The following PHF20L1 variants were observed in gnomAD, a reference collection of about 807,000 sequenced individuals.
PHF20L1 encodes PHD finger protein 20 like 1.
In PHF20L1, 44 loss-of-function variants were observed where a neutral mutation model predicts 125.5. The observed-to-expected ratio is 0.35, with a 90% CI of 0.28 to 0.45. PHF20L1 has a LOEUF of 0.45. PHF20L1 is among the 20% of genes least tolerant of loss of function. The probability of loss-of-function intolerance (pLI) is 1.00; values close to 1 mark genes in which losing one functional copy is unlikely to be tolerated. For missense variants in PHF20L1, 1,012 were observed against 1,217.2 expected (o/e 0.83, Z 2.51); for synonymous variants, 380 against 403.1 (o/e 0.94, Z 0.69).
intron 2 of PHF20L1, among the ~76,000 whole-genome samples, chr8:132,782,756 T>C (rs1246500901): frequency 6.6e-6 from 1 of 151,520 alleles, no homozygotes; most frequent in Non-Finnish European, 1.5e-5. Flanking sequence ...AACCTGCTGA[T>C]TTTCTTTTTC....
intron 1 of PHF20L1, 62 bp from the exon 2 acceptor site, chr8:132,777,730 C>T: frequency 2.4e-5 from 18 of 746,224 alleles, no homozygotes; most frequent in Non-Finnish European, 3.1e-5. Context: ...TGACCTGTTC[C>T]CTTATACTCT....
chr8:132,831,981 C>G (rs1189416627), intron 14 of PHF20L1, among the ~76,000 whole-genome samples: 1 of 152,044 alleles, frequency 6.6e-6, no homozygotes, highest in African/African-American at 2.4e-5. Context: ...CTCTATAGTA[C>G]TTCACAAAAG....
intron 1 of PHF20L1, among the ~76,000 whole-genome samples, chr8:132,776,414 T>C (rs1201511711): frequency 6.6e-6 from 1 of 152,232 alleles, no homozygotes; most frequent in African/African-American, 2.4e-5. Flanking sequence ...TTTAAGTAAC[T>C]GCCTTACGTG....
At chr8:132,792,879 C>T (rs1482202917) in intron 2 of PHF20L1, among the ~76,000 whole-genome samples, 1 of 152,012 alleles carries the variant, frequency 6.6e-6, no homozygotes, top group Non-Finnish European at 1.5e-5. Flanking sequence ...TCGTTGACTG[C>T]ACCAAGAAGT....
In PHF20L1 at chr8:132,816,947, T is replaced by C. The variant is rs1329580152; in HGVS notation, c.1243T>C (p.Ser415Pro). ...CAAGCATAGTGAGCGGAGAAGAAGA[T>C]CTCAGCGTTTAGCCACCTTACCCAT... Reference protein sequence around the residue: ...PFKHSERRRRSQRLATLPMPD... With the variant: ...PFKHSERRRRPQRLATLPMPD... Residue 415 changes from serine (S) to proline (P), a missense_variant, in exon 11 of 21, where the codon TCT becomes CCT. Coordinates refer to ENST00000395386, the MANE Select transcript of PHF20L1 (RefSeq NM_016018.5). 3.1e-6 allele frequency: 5 copies of C among 1,612,374 alleles called. No homozygotes were observed. The highest frequency in any genetic ancestry group is 4.2e-6 in the Non-Finnish European group (5 of 1,178,896).
chr8:132,836,280 T>A (rs1563848735), intron 15 of PHF20L1: 1 of 260,714 alleles, frequency 3.8e-6, no homozygotes, highest in Non-Finnish European at 7.3e-6. Context: ...ATAAATTCTG[T>A]AAGCATGAAG....
intron 2 of PHF20L1, among the ~76,000 whole-genome samples, chr8:132,790,522 A>C (rs1408914827): frequency 2.0e-5 from 3 of 152,192 alleles, no homozygotes; most frequent in African/African-American, 7.2e-5. Flanking sequence ...TCAAGTTTCA[A>C]CCAGGCTAAC....
intron 8 of PHF20L1, among the ~76,000 whole-genome samples, 175 bp downstream of exon 8, chr8:132,804,915 T>C (rs1833509326): frequency 6.6e-6 from 1 of 151,988 alleles, no homozygotes; most frequent in Admixed American, 6.6e-5. Context: ...CAGCTTTTTC[T>C]GTTGTAAAAT....
chr8:132,845,948 A>T lies in PHF20L1; in HGVS notation c.*25A>T, dbSNP rs1301172599. The T allele has an allele frequency of 5.0e-6, 8 of 1,588,958 alleles. No individual in the cohort carries two copies. The highest frequency in any genetic ancestry group is 4.0e-5 in the African/African-American group (3 of 74,366). On this transcript the variant is annotated 3_prime_UTR_variant, in exon 21 of 21. Coordinates refer to ENST00000395386, the MANE Select transcript of PHF20L1 (RefSeq NM_016018.5). ...ACAACAGTGAACACTTAATGAAAGA[A>T]TGTGGCTTTCTTCAGTCAAAGCATT...
intron 2 of PHF20L1, among the ~76,000 whole-genome samples, chr8:132,787,410 A>T (rs1460902475): frequency 6.6e-6 from 1 of 152,150 alleles, no homozygotes; most frequent in Non-Finnish European, 1.5e-5. Context: ...GACAAGTAGG[A>T]AGCAGGGTGA....
At chr8:132,790,354 C>T (rs1293793267) in intron 2 of PHF20L1, among the ~76,000 whole-genome samples, 1 of 152,116 alleles carries the variant, frequency 6.6e-6, no homozygotes, top group East Asian at 1.9e-4. Flanking sequence ...TGTTAAATTA[C>T]CATTTAATGC....
intron 10 of PHF20L1, 140 bp downstream of exon 10, chr8:132,815,029 CA>C (rs767141554): frequency 8.8e-5 from 53 of 599,270 alleles, no homozygotes; most frequent in Non-Finnish European, 1.4e-4. Context: ...GAAACTATTT[CA>C]GGGGCAAAAA....
chr8:132,816,819 A>T, intron 10 of PHF20L1, 69 bp from the exon 11 acceptor site: 1 of 985,328 alleles, frequency 1.0e-6, no homozygotes, highest in Admixed American at 2.0e-5. Context: ...TTTCCCATTT[A>T]TCTCCTTAAA....
At position 132,847,344 on chromosome 8, in the gene PHF20L1, A is replaced by G. The variant is rs1348405503; in HGVS notation, c.*1421A>G. 1 of 152,576 alleles carries G rather than the reference A, an allele frequency of 6.6e-6. No homozygotes were observed. Among genetic ancestry groups the G allele is most frequent in the Non-Finnish European group, 1.5e-5 (1 of 68,010 alleles). The allele number at this position is 152,576 out of a possible 1,614,324, so 9.5% of individuals were successfully genotyped here. On this transcript the variant is annotated 3_prime_UTR_variant, in exon 21 of 21. Transcript: ENST00000395386. ...TTTGAAATTTTTTTAAAAGGGGAGA[A>G]AGACTGTTAAGAGGAGGCTATTTGA...
intron 18 of PHF20L1, chr8:132,842,295 CAATT>C: frequency 2.4e-6 from 1 of 412,320 alleles, no homozygotes; most frequent in Non-Finnish European, 4.3e-6. Context: ...ACTATCAACA[CAATT>C]AAATTTGTTA....
chr8:132,824,332 A>G, intron 13 of PHF20L1: 1 of 285,076 alleles, frequency 3.5e-6, no homozygotes, highest in Non-Finnish European at 6.5e-6. Context: ...ATGGCTATTC[A>G]AAAATAGACC....
chr8:132,816,806 T>C, intron 10 of PHF20L1, 82 bp from the exon 11 acceptor site: 1 of 904,268 alleles, frequency 1.1e-6, no homozygotes, highest in Non-Finnish European at 1.8e-6. Context: ...ATATAAATCA[T>C]TTTTTCCCAT....
Position 132,797,225 on chromosome 8 carries a change from G to A in PHF20L1, c.341-1547G>A, listed in dbSNP as rs114079283. On this transcript the variant is annotated intron_variant, in intron 4 of 20. Transcript: ENST00000395386. ...CCCCAAGTGGTGGATAGGCCTGCCC[G>A]CTCCCCACCTTGACAAAAATCAGAA... Among the ~76,000 whole-genome samples, 588 of 152,042 alleles carry A rather than the reference G, an allele frequency of 3.9e-3. 4 individuals carry two copies. Among genetic ancestry groups the A allele is most frequent in the African/African-American group, 0.014 (562 of 41,506 alleles).
chr8:132,825,463 G>GATCCCCGTGTCCC, intron 14 of PHF20L1, 92 bp downstream of exon 14: 1 of 1,032,954 alleles, frequency 9.7e-7, no homozygotes, highest in Non-Finnish European at 1.3e-6. Context: ...GTCATGACAC[G>GATCCCCGTGTCCC]ATCCCCGTGT....
Sources: gnomAD v4.1 joint callset for allele counts (sites outside exome capture counted in the v4.1 genomes callset) on GRCh38, gnomAD v4.1.1 for gene constraint, MANE v1.5 for transcripts, NCBI Gene and HGNC (gene_info 2026-07-23, HGNC 2026-07-21) for gene names.